SLC13A3: variants seen among roughly 807,000 people sequenced by gnomAD.
SLC13A3 encodes the protein solute carrier family 13 member 3, also known as Na(+)/dicarboxylate cotransporter 3.
In SLC13A3, 40 loss-of-function variants were observed where a neutral mutation model predicts 59.0. The observed-to-expected ratio is 0.68, with a 90% CI of 0.53 to 0.88. SLC13A3 has a LOEUF of 0.88. Ranked by LOEUF, SLC13A3 falls within the 40% of genes least tolerant of loss-of-function variation. The pLI is 0.00. For missense variants in SLC13A3, 699 were observed against 783.2 expected (o/e 0.89, Z 1.28); for synonymous variants, 317 against 330.3 (o/e 0.96, Z 0.44).
chr20:46,567,784 C>T (rs2146083860), intron 10 of SLC13A3, among the ~76,000 whole-genome samples: 1 of 152,212 alleles, frequency 6.6e-6, no homozygotes, highest in East Asian at 1.9e-4. Context: ...AATAACTGAC[C>T]CAACACATCA....
intron 11 of SLC13A3, among the ~76,000 whole-genome samples, chr20:46,564,702 A>G (rs1043380491): frequency 1.3e-5 from 2 of 152,180 alleles, no homozygotes; most frequent in Non-Finnish European, 2.9e-5. Context: ...TTAAACGTAC[A>G]TGCTCTTTGA....
chr20:46,619,926 C>T (rs2062598161), intron 1 of SLC13A3, among the ~76,000 whole-genome samples: 1 of 152,184 alleles, frequency 6.6e-6, no homozygotes, highest in Non-Finnish European at 1.5e-5. Context: ...AGCTTGATTA[C>T]ACCATGACTT....
chr20:46,630,806 GA>G (rs1471669088), intron 1 of SLC13A3, among the ~76,000 whole-genome samples: 1 of 152,146 alleles, frequency 6.6e-6, no homozygotes, highest in Non-Finnish European at 1.5e-5. Context: ...GGAATTAAAG[GA>G]GCCTGAATTA....
chr20:46,608,648 T>G, intron 3 of SLC13A3: 1 of 423,474 alleles, frequency 2.4e-6, no homozygotes. Flanking sequence ...CCTTAGTGTA[T>G]GACGGGGAAA....
upstream of SLC13A3, among the ~76,000 whole-genome samples, chr20:46,656,458 G>A (rs1158409507): frequency 5.6e-5 from 5 of 88,548 alleles, no homozygotes; most frequent in African/African-American, 2.2e-4. Context: ...TACTGTATAT[G>A]ATATACTATA....
intron 1 of SLC13A3, among the ~76,000 whole-genome samples, chr20:46,625,474 A>G: frequency 6.6e-6 from 1 of 152,260 alleles, no homozygotes; most frequent in East Asian, 1.9e-4. Context: ...AAAAATAAAC[A>G]TGACTTTTAA....
At chr20:46,652,069 T>G (rs985768104), upstream of SLC13A3, among the ~76,000 whole-genome samples, 7 of 152,130 alleles carry the variant, frequency 4.6e-5, no homozygotes, top group Admixed American at 4.6e-4. Flanking sequence ...GGGGAACAAC[T>G]GACACTGAAG....
At chr20:46,656,234 A>AC (rs2122900702), upstream of SLC13A3, among the ~76,000 whole-genome samples, 1 of 143,572 alleles carries the variant, frequency 7.0e-6, no homozygotes, top group African/African-American at 2.5e-5. Flanking sequence ...TGTAGACTGT[A>AC]CAGTATATAT....
At position 46,610,586 on chromosome 20, in the gene SLC13A3, G is replaced by A; in HGVS notation, c.401C>T (p.Thr134Ile). The A allele has an allele frequency of 1.9e-6, 3 of 1,613,792 alleles. No homozygotes were observed. ...CAGCCACATGGACAAGAACGAGGTG[G>A]TCACCATCATCCCCAGGATGAGCCT... is the stretch of plus-strand genomic sequence containing the variant. ...PARLILGMMV[T>I]TSFLSMWLSN... is the part of the protein sequence containing the mutation. The change falls in exon 3 of 13, where the codon ACC (threonine) becomes ATC (isoleucine). Residue 134 changes from threonine to isoleucine, a missense_variant. Thr to Ile is a moderately conservative substitution (Grantham distance 89, BLOSUM62 -1). Transcript: ENST00000279027.
intron 2 of SLC13A3, among the ~76,000 whole-genome samples, chr20:46,612,107 C>T (rs561661249): frequency 2.4e-5 from 3 of 126,020 alleles, no homozygotes; most frequent in African/African-American, 6.2e-5. Flanking sequence ...TTCTTTCTCT[C>T]TTTCTCTCTC....
intron 2 of SLC13A3, among the ~76,000 whole-genome samples, 169 bp from the exon 3 acceptor site, chr20:46,610,778 A>G: frequency 6.6e-6 from 1 of 152,156 alleles, no homozygotes; most frequent in East Asian, 1.9e-4. Flanking sequence ...GATCTAAGAA[A>G]ACTGTGGTTC....
intron 1 of SLC13A3, among the ~76,000 whole-genome samples, chr20:46,638,850 G>A (rs1307911253): frequency 6.6e-6 from 1 of 152,172 alleles, no homozygotes; most frequent in Non-Finnish European, 1.5e-5. Context: ...AGGGTGTTTA[G>A]CAGCATCGCT....
intron 8 of SLC13A3, among the ~76,000 whole-genome samples, chr20:46,586,834 GT>G (rs1292891365): frequency 2.6e-5 from 4 of 152,156 alleles, no homozygotes; most frequent in African/African-American, 4.8e-5. Context: ...AAGCCACACA[GT>G]AAGTATTTTG....
intron 3 of SLC13A3, among the ~76,000 whole-genome samples, chr20:46,603,974 G>C (rs1281137491): frequency 7.0e-6 from 1 of 143,630 alleles, no homozygotes; most frequent in Non-Finnish European, 1.5e-5. Flanking sequence ...TTGGGTGACA[G>C]AGCAAGACGC....
At chr20:46,594,734 CTTT>C (rs112750360) in intron 5 of SLC13A3, among the ~76,000 whole-genome samples, 1 of 143,234 alleles carries the variant, frequency 7.0e-6, no homozygotes. Context: ...CCCACAACTT[CTTT>C]TTTTTTTTTT....
chr20:46,599,881 G>T, intron 4 of SLC13A3, 90 bp downstream of exon 4: 2 of 991,734 alleles, frequency 2.0e-6, no homozygotes, highest in Non-Finnish European at 3.0e-6. Flanking sequence ...ATTCAGGGAT[G>T]GGAGGAAAAT....
At chr20:46,603,527 AC>A (rs2062402312) in intron 3 of SLC13A3, among the ~76,000 whole-genome samples, 1 of 149,066 alleles carries the variant, frequency 6.7e-6, no homozygotes, top group South Asian at 2.1e-4. Context: ...GGCATGTGCC[AC>A]CATGCCCAGC....
At position 46,588,044 on chromosome 20, in the gene SLC13A3, T is replaced by C. The variant is rs765541851; in HGVS notation, c.1121+15A>G. 64 of 1,532,058 alleles carry C rather than the reference T, an allele frequency of 4.2e-5. 1 individual carries two copies. Among genetic ancestry groups the C allele is most frequent in the Non-Finnish European group, 5.3e-5 (59 of 1,115,558 alleles). 94.9% of individuals were successfully genotyped at this position (1,532,058 alleles called of 1,614,324 possible). ...TCCCTGTTGGACTCCTCCCTGTGGGTCCCCAGAGTCTCACCCAGGATTGAA... is the reference window on the plus strand; with the variant it reads ...TCCCTGTTGGACTCCTCCCTGTGGGCCCCCAGAGTCTCACCCAGGATTGAA... On this transcript the variant is annotated intron_variant, in intron 8 of 12. Coordinates refer to ENST00000279027, the MANE Select transcript of SLC13A3 (RefSeq NM_022829.6).
chr20:46,650,769 G>A (rs981969274), intron 1 of SLC13A3, among the ~76,000 whole-genome samples: 7 of 152,164 alleles, frequency 4.6e-5, no homozygotes, highest in Non-Finnish European at 8.8e-5. Flanking sequence ...TTAGAGCTCA[G>A]GAAAGAAAGA....
Sources: allele counts gnomAD v4.1 joint callset (sites outside exome capture counted in the v4.1 genomes callset), GRCh38; gene constraint gnomAD v4.1.1; transcripts MANE v1.5; gene names NCBI Gene and HGNC (gene_info 2026-07-23, HGNC 2026-07-21).